The following ZNF573 variants were observed in gnomAD, a reference collection of about 807,000 sequenced individuals.
The protein encoded by ZNF573 is zinc finger protein 573.
ZNF573 carries 41 observed loss-of-function variants against 57.4 expected under a neutral mutation model. That is an observed-to-expected ratio of 0.71 (90% confidence interval 0.56 to 0.93). ZNF573 has a LOEUF of 0.93. Ranked by LOEUF, ZNF573 falls within the 40% of genes least tolerant of loss-of-function variation. The probability of loss-of-function intolerance (pLI) is 0.00; values close to 1 mark genes in which losing one functional copy is unlikely to be tolerated. For synonymous variants in ZNF573, 249 were observed against 261.0 expected, an observed-to-expected ratio of 0.95 and a Z score of 0.44; for missense variants, 730 against 794.8, an observed-to-expected ratio of 0.92 and a Z score of 0.98.
intron 2 of ZNF573, among the ~76,000 whole-genome samples, chr19:37,772,466 A>T (rs2045667697): frequency 6.6e-6 from 1 of 152,024 alleles, no homozygotes; most frequent in African/African-American, 2.4e-5. Flanking sequence ...GCTTTTGCAG[A>T]ACATTTAGAC....
chr19:37,744,453 C>T (rs1439893866), intron 4 of ZNF573, among the ~76,000 whole-genome samples: 1 of 151,992 alleles, frequency 6.6e-6, no homozygotes, highest in Non-Finnish European at 1.5e-5. Flanking sequence ...AAAACAGAGT[C>T]AGGGACTGGA....
chr19:37,771,721 T>C (rs774300337), intron 2 of ZNF573, 25 bp from the exon 3 acceptor site: 8 of 1,579,242 alleles, frequency 5.1e-6, no homozygotes, highest in Non-Finnish European at 6.8e-6. Flanking sequence ...ATTACAAAAT[T>C]TTAAAAACAT....
At chr19:37,768,821 A>G (rs1206415497) in intron 4 of ZNF573, among the ~76,000 whole-genome samples, 1 of 138,830 alleles carries the variant, frequency 7.2e-6, no homozygotes, top group Non-Finnish European at 1.6e-5. Flanking sequence ...GCCCGCCACT[A>G]TGCCCTGTTA....
At position 37,740,023 on chromosome 19, in the gene ZNF573, T is replaced by A; in HGVS notation, c.467A>T (p.His156Leu). The A allele has an allele frequency of 6.2e-7, 1 of 1,614,154 alleles. No individual in the cohort carries two copies. Among genetic ancestry groups the A allele is most frequent in the East Asian group, 2.2e-5 (1 of 44,878 alleles). The change falls in exon 5 of 5, where the codon CAT becomes CTT. Residue 156 changes from histidine (H) to leucine (L), a missense_variant. Physicochemically the swap from His to Leu is moderately conservative, Grantham distance 99. Coordinates refer to ENST00000536220, the MANE Select transcript of ZNF573 (RefSeq NM_001172690.2). Reference protein sequence around the residue: ...GYQLILHHRFHVIERPYECKE... With the variant: ...GYQLILHHRFLVIERPYECKE... ...GCATTCATAGGGTCTCTCAATGACA[T>A]GAAACCTGTGATGTAGAATAAGTTG... is the stretch of plus-strand genomic sequence containing the variant.
chr19:37,740,366 T>G (rs530945586), intron 4 of ZNF573, among the ~76,000 whole-genome samples, 172 bp from the exon 5 acceptor site: 1 of 152,306 alleles, frequency 6.6e-6, no homozygotes, highest in South Asian at 2.1e-4. Context: ...GTATGAGAGT[T>G]TACGTAAGAT....
rs1568414135 is a variant in ZNF573 at position 37,739,404 on chromosome 19, C to T, written c.1086G>A (p.Glu362=). The T allele has an allele frequency of 6.2e-7, 1 of 1,613,934 alleles. No individual in the cohort carries two copies. Among genetic ancestry groups the T allele is most frequent in the Non-Finnish European group, 8.5e-7 (1 of 1,179,976 alleles). Residue 362 remains glutamate (E), a synonymous_variant, in exon 5 of 5, where the codon GAG becomes GAA. Transcript: ENST00000536220. ...HKGGKPYECK[E]CKKTFTLYRN... ...TATACAAAGTAAAGGTTTTCTTACA[C>T]TCCTTACATTCATAGGGTTTTCCAC...
intron 3 of ZNF573, among the ~76,000 whole-genome samples, chr19:37,770,832 T>TTTTATATATATATATATATATATA (rs1555745090): frequency 4.3e-5 from 4 of 93,750 alleles, no homozygotes; most frequent in South Asian, 6.6e-4. Flanking sequence ...TTAAGTTATT[T>TTTTATATATATATATATATATATA]TATATATATA....
chr19:37,767,979 G>A (rs2045617572), intron 4 of ZNF573, among the ~76,000 whole-genome samples: 1 of 152,062 alleles, frequency 6.6e-6, no homozygotes, highest in South Asian at 2.1e-4. Context: ...GACATGTGGA[G>A]GACTTCAGAA....
intron 4 of ZNF573, among the ~76,000 whole-genome samples, chr19:37,750,236 C>G (rs1259029254): frequency 6.6e-6 from 1 of 152,034 alleles, no homozygotes; most frequent in South Asian, 2.1e-4. Context: ...GCCTGCGCCA[C>G]CATGCCTCAC....
Position 37,773,670 on chromosome 19 carries a change from G to T in ZNF573, c.60C>A (p.Thr20=). Reference sequence around the variant, plus strand: ...GAATTAATCAACTTACACAGGTCATGGTTTTAGAATTGTAAGACCTGATCA... The same window carrying T: ...GAATTAATCAACTTACACAGGTCATTGTTTTAGAATTGTAAGACCTGATCA... ...VGLIRSYNSK[T]MTCFQELVTF... The change falls in exon 2 of 5, where the codon ACC becomes ACA. Residue 20 remains threonine (T), a synonymous_variant. Coordinates refer to ENST00000536220, the MANE Select transcript of ZNF573 (RefSeq NM_001172690.2). 1 of 1,535,108 alleles carries T rather than the reference G, an allele frequency of 6.5e-7. No individual in the cohort carries two copies. Among genetic ancestry groups the T allele is most frequent in the South Asian group, 1.2e-5 (1 of 83,976 alleles).
intron 4 of ZNF573, among the ~76,000 whole-genome samples, chr19:37,742,528 C>A (rs1387607491): frequency 6.6e-6 from 1 of 152,148 alleles, no homozygotes; most frequent in Admixed American, 6.5e-5. Context: ...CACCACACAT[C>A]TACAACCATC....
At chr19:37,773,417 C>T (rs1568424984) in intron 2 of ZNF573, among the ~76,000 whole-genome samples, 1 of 152,194 alleles carries the variant, frequency 6.6e-6, no homozygotes, top group Non-Finnish European at 1.5e-5. Flanking sequence ...ACTGCTCTAT[C>T]ATAGACTTTG....
At chr19:37,775,932 G>T (rs1232364839) in intron 1 of ZNF573, among the ~76,000 whole-genome samples, 1 of 151,150 alleles carries the variant, frequency 6.6e-6, no homozygotes, top group Admixed American at 6.6e-5. Flanking sequence ...AATCAAGGAG[G>T]TGAAAGATCT....
intron 1 of ZNF573, among the ~76,000 whole-genome samples, chr19:37,776,308 T>C (rs926167513): frequency 6.6e-6 from 1 of 152,022 alleles, no homozygotes; most frequent in Non-Finnish European, 1.5e-5. Context: ...TGGAAGAGAA[T>C]AGAGAACCCA....
At position 37,762,200 on chromosome 19, in the gene ZNF573, G is replaced by C. The variant is rs182447173; in HGVS notation, c.295+7805C>G. 4.5e-3 allele frequency among the ~76,000 whole-genome samples: 681 copies of C among 152,300 alleles called. 4 individuals are homozygous for C. The highest frequency in any genetic ancestry group is 0.02 in the Middle Eastern group (6 of 294). On this transcript the variant is annotated intron_variant, in intron 4 of 4. Coordinates refer to ENST00000536220, the MANE Select transcript of ZNF573 (RefSeq NM_001172690.2). ...TTGCAGATTGTAGACATTCTAAAAA[G>C]AAATCAAGTGGACTGGACTTTGCAA...
In ZNF573 at chr19:37,739,115, G is replaced by C; in HGVS notation, c.1375C>G (p.Arg459Gly). ...KTFTLYRNLT[R>G]HQNIHTGKKL... ...TTACCAGTGTGAATATTCTGATGTC[G>C]AGTAAGATTTCTATACAAAGTAAAG... is the stretch of plus-strand genomic sequence containing the variant. The change falls in exon 5 of 5, where the codon CGA (arginine) becomes GGA (glycine). Residue 459 changes from arginine (R) to glycine (G), a missense_variant. Transcript: ENST00000536220. The C allele has an allele frequency of 6.2e-7, 1 of 1,613,478 alleles. No individual in the cohort carries two copies. Among genetic ancestry groups the C allele is most frequent in the Non-Finnish European group, 8.5e-7 (1 of 1,179,860 alleles).
chr19:37,755,794 T>C (rs1275028541), intron 4 of ZNF573, among the ~76,000 whole-genome samples: 1 of 149,406 alleles, frequency 6.7e-6, no homozygotes, highest in African/African-American at 2.5e-5. Flanking sequence ...TGATTTACTG[T>C]ATTTAGAAAA....
chr19:37,767,882 G>GA (rs1453203278), intron 4 of ZNF573, among the ~76,000 whole-genome samples: 1 of 152,188 alleles, frequency 6.6e-6, no homozygotes, highest in East Asian at 1.9e-4. Context: ...TGAAATTGGA[G>GA]AAAAAATAAA....
intron 1 of ZNF573, among the ~76,000 whole-genome samples, chr19:37,775,981 T>A (rs192360994): frequency 4.0e-4 from 61 of 152,094 alleles, no homozygotes; most frequent in African/African-American, 1.4e-3. Flanking sequence ...AAGGAAATCA[T>A]AGATGACACA....
Sources: gnomAD v4.1 joint callset for allele counts (sites outside exome capture counted in the v4.1 genomes callset) on GRCh38, gnomAD v4.1.1 for gene constraint, MANE v1.5 for transcripts, NCBI Gene and HGNC (gene_info 2026-07-23, HGNC 2026-07-21) for gene names.